XKR9: variants seen among roughly 807,000 people sequenced by gnomAD.
XKR9 encodes the protein XK-related protein 9.
In XKR9, 32 loss-of-function variants were observed where a neutral mutation model predicts 32.0. That is an observed-to-expected ratio of 1.00 (90% CI 0.76 to 1.34). XKR9 has a LOEUF of 1.34. Among genes scored for constraint, XKR9 ranks in the 40% most tolerant of loss-of-function variants. The pLI, the probability that XKR9 is intolerant of heterozygous loss-of-function variation, is 0.00. For missense variants in XKR9, 546 were observed against 429.7 expected (o/e 1.27, Z -2.39); for synonymous variants, 168 against 143.4 (o/e 1.17, Z -1.22).
chr8:70,943,139 A>G, the XKR9 span, among the ~76,000 whole-genome samples: 6 of 152,198 alleles, frequency 3.9e-5, no homozygotes, highest in Non-Finnish European at 8.8e-5. Flanking sequence ...TGATTTACTG[A>G]TAGAGTTGAA....
At chr8:71,034,195 G>A in the XKR9 span, among the ~76,000 whole-genome samples, 13 of 152,218 alleles carry the variant, frequency 8.5e-5, no homozygotes, top group South Asian at 2.7e-3. Flanking sequence ...GTTGAAAAAG[G>A]GACCTCATGG....
At chr8:71,061,906 C>A in the XKR9 span, among the ~76,000 whole-genome samples, 2 of 152,208 alleles carry the variant, frequency 1.3e-5, no homozygotes, top group African/African-American at 4.8e-5. Context: ...ATAGTCATCG[C>A]TCTGTGACAC....
chr8:70,812,460 G>A, the XKR9 span, among the ~76,000 whole-genome samples: 21 of 152,226 alleles, frequency 1.4e-4, no homozygotes, highest in Middle Eastern at 3.4e-3. Context: ...GGCAGGAGAA[G>A]GAAATAAAGG....
intron 3 of XKR9, among the ~76,000 whole-genome samples, chr8:70,688,891 T>C (rs1387741521): frequency 6.6e-6 from 1 of 152,180 alleles, no homozygotes; most frequent in Non-Finnish European, 1.5e-5. Flanking sequence ...AAATATTTAA[T>C]GTAAAATACT....
chr8:70,937,421 T>C, the XKR9 span, among the ~76,000 whole-genome samples: 1 of 152,010 alleles, frequency 6.6e-6, no homozygotes, highest in African/African-American at 2.4e-5. Flanking sequence ...AATTAGGATC[T>C]AGCAGCAATC....
chr8:70,691,152 C>T (rs751322535), intron 3 of XKR9, among the ~76,000 whole-genome samples: 1 of 152,172 alleles, frequency 6.6e-6, no homozygotes, highest in African/African-American at 2.4e-5. Context: ...TTGCATTTCT[C>T]TAATGATCAG....
intron 2 of XKR9, among the ~76,000 whole-genome samples, chr8:70,743,679 G>A (rs899931568): frequency 2.0e-5 from 3 of 152,132 alleles, no homozygotes; most frequent in Non-Finnish European, 2.9e-5. Context: ...AATATATGAA[G>A]TGAGACTTCC....
the XKR9 span, among the ~76,000 whole-genome samples, chr8:70,990,391 G>T: frequency 6.6e-6 from 1 of 152,062 alleles, no homozygotes; most frequent in Non-Finnish European, 1.5e-5. Flanking sequence ...TCTGGAGGCA[G>T]CATCTGGAAA....
the XKR9 span, among the ~76,000 whole-genome samples, chr8:71,050,026 C>G: frequency 6.6e-6 from 1 of 151,614 alleles, no homozygotes; most frequent in Non-Finnish European, 1.5e-5. Flanking sequence ...TATTCCAGAT[C>G]GAGGCAGCAT....
chr8:71,019,262 T>A, the XKR9 span, among the ~76,000 whole-genome samples: 1 of 152,240 alleles, frequency 6.6e-6, no homozygotes, highest in African/African-American at 2.4e-5. Flanking sequence ...TTTAGCGAAG[T>A]CCTTGGAAAT....
chr8:70,807,349 C>T, the XKR9 span, among the ~76,000 whole-genome samples: 10 of 152,062 alleles, frequency 6.6e-5, no homozygotes, highest in African/African-American at 2.4e-4. Flanking sequence ...GAAGAAACTG[C>T]ACCAACAAGT....
At chr8:70,684,036 C>A (rs1026925888) in intron 3 of XKR9, among the ~76,000 whole-genome samples, 3 of 152,018 alleles carry the variant, frequency 2.0e-5, no homozygotes. Flanking sequence ...GTCTCATTGC[C>A]GCTCTTTTGA....
chr8:70,999,527 C>T, the XKR9 span, among the ~76,000 whole-genome samples: 1 of 152,176 alleles, frequency 6.6e-6, no homozygotes, highest in South Asian at 2.1e-4. Flanking sequence ...AGTAATTATA[C>T]TAGCAGAAAT....
chr8:70,963,192 C>T, the XKR9 span, among the ~76,000 whole-genome samples: 1 of 152,134 alleles, frequency 6.6e-6, no homozygotes, highest in South Asian at 2.1e-4. Flanking sequence ...TCATTCAGCT[C>T]CCACTTATAA....
chr8:70,843,805 C>T, the XKR9 span, among the ~76,000 whole-genome samples: 2 of 152,128 alleles, frequency 1.3e-5, no homozygotes, highest in Non-Finnish European at 2.9e-5. Flanking sequence ...AGAGAGAATT[C>T]ATCCTGGGTC....
the XKR9 span, among the ~76,000 whole-genome samples, chr8:71,039,905 A>G: frequency 2.0e-5 from 3 of 152,300 alleles, no homozygotes; most frequent in East Asian, 1.9e-4. Flanking sequence ...ATAAATTTGA[A>G]GACCACCAGG....
At chr8:70,974,036 A>G in the XKR9 span, among the ~76,000 whole-genome samples, 1 of 152,080 alleles carries the variant, frequency 6.6e-6, no homozygotes, top group Admixed American at 6.5e-5. Context: ...TGTCCTGATG[A>G]CCTGTCTAAT....
intron 1 of XKR9, among the ~76,000 whole-genome samples, chr8:70,672,972 A>G (rs1818765587): frequency 6.6e-6 from 1 of 152,202 alleles, no homozygotes; most frequent in Non-Finnish European, 1.5e-5. Context: ...GTCCCTTGTC[A>G]GATGAATAGT....
intron 4 of XKR9, among the ~76,000 whole-genome samples, chr8:70,732,589 C>A (rs1806708680): frequency 6.6e-6 from 1 of 152,200 alleles, no homozygotes; most frequent in South Asian, 2.1e-4. Flanking sequence ...TGGACAGAAT[C>A]AATTTATCAT....
Sources: gnomAD v4.1 joint callset for allele counts (sites outside exome capture counted in the v4.1 genomes callset) on GRCh38, gnomAD v4.1.1 for gene constraint, MANE v1.5 for transcripts, NCBI Gene and HGNC (gene_info 2026-07-23, HGNC 2026-07-21) for gene names.